ZNF804B: variants seen among roughly 807,000 people sequenced by gnomAD.
ZNF804B encodes zinc finger protein 804B, also known as zinc finger 804B.
ZNF804B carries 80 observed loss-of-function variants against 101.4 expected under a neutral mutation model. That is an observed-to-expected ratio of 0.79 (90% CI 0.66 to 0.95). The LOEUF (loss-of-function observed/expected upper bound fraction) is 0.95. ZNF804B is among the 40% of genes least tolerant of loss of function. ZNF804B has a pLI of 0.00. For missense variants in ZNF804B, 1,673 were observed against 1,561.9 expected, an observed-to-expected ratio of 1.07 and a Z score of -1.20; for synonymous variants, 622 against 558.8, an observed-to-expected ratio of 1.11 and a Z score of -1.59.
At chr7:89,168,730 T>C (rs948988138) in intron 1 of ZNF804B, among the ~76,000 whole-genome samples, 1 of 140,486 alleles carries the variant, frequency 7.1e-6, no homozygotes, top group Non-Finnish European at 1.5e-5. Context: ...ATGCTCAAAG[T>C]GGAGTTGCAC....
At chr7:88,805,663 G>A (rs992391385) in intron 1 of ZNF804B, among the ~76,000 whole-genome samples, 1 of 152,204 alleles carries the variant, frequency 6.6e-6, no homozygotes, top group Non-Finnish European at 1.5e-5. Context: ...GTAGAGCACA[G>A]TGTTGATGGT....
intron 1 of ZNF804B, among the ~76,000 whole-genome samples, chr7:89,131,022 T>C (rs1790538665): frequency 6.6e-6 from 1 of 152,002 alleles, no homozygotes; most frequent in Admixed American, 6.6e-5. Context: ...TTAAACTCAC[T>C]CATTTCTATT....
At chr7:88,787,146 G>C (rs1312856154) in intron 1 of ZNF804B, among the ~76,000 whole-genome samples, 1 of 152,128 alleles carries the variant, frequency 6.6e-6, no homozygotes, top group Non-Finnish European at 1.5e-5. Flanking sequence ...AGAGAACAAA[G>C]TGTGAGAAAA....
intron 2 of ZNF804B, among the ~76,000 whole-genome samples, chr7:89,314,800 C>A (rs1790696845): frequency 6.6e-6 from 1 of 152,150 alleles, no homozygotes; most frequent in African/African-American, 2.4e-5. Flanking sequence ...CTTACACTGT[C>A]TTGTCTCCTG....
At chr7:89,041,041 G>A (rs1789008977) in intron 1 of ZNF804B, among the ~76,000 whole-genome samples, 1 of 150,646 alleles carries the variant, frequency 6.6e-6, no homozygotes, top group African/African-American at 2.4e-5. Flanking sequence ...AAGATCTCCT[G>A]GGGTAGGCCT....
At chr7:89,045,176 T>A (rs1584092576) in intron 1 of ZNF804B, among the ~76,000 whole-genome samples, 1 of 152,034 alleles carries the variant, frequency 6.6e-6, no homozygotes, top group African/African-American at 2.4e-5. Flanking sequence ...TTCCAGGAGG[T>A]GTTGGGCATC....
At chr7:89,280,140 A>T (rs1445300604) in intron 2 of ZNF804B, among the ~76,000 whole-genome samples, 8 of 152,198 alleles carry the variant, frequency 5.3e-5, no homozygotes, top group Admixed American at 5.2e-4. Flanking sequence ...AAACTGAACA[A>T]CCTGCTCCTG....
chr7:88,828,354 C>T (rs1293120554), intron 1 of ZNF804B, among the ~76,000 whole-genome samples: 1 of 152,034 alleles, frequency 6.6e-6, no homozygotes, highest in African/African-American at 2.4e-5. Flanking sequence ...CTACCCCAGG[C>T]CTTTCTGGTT....
chr7:89,189,429 C>T (rs1466302209), intron 1 of ZNF804B, among the ~76,000 whole-genome samples: 2 of 152,100 alleles, frequency 1.3e-5, no homozygotes, highest in Non-Finnish European at 2.9e-5. Context: ...GGCAGCTGCT[C>T]GGAAGCCTCG....
chr7:89,141,833 G>A lies in ZNF804B; in HGVS notation c.109-76322G>A, dbSNP rs533228034. Among the ~76,000 whole-genome samples, 3 of 151,420 alleles carry A rather than the reference G, an allele frequency of 2.0e-5. No individual in the cohort carries two copies. The East Asian group carries it at 5.8e-4, about 30-fold the overall frequency. On this transcript the variant is annotated intron_variant, in intron 1 of 3. Coordinates refer to ENST00000333190, the MANE Select transcript of ZNF804B (RefSeq NM_181646.5). ...GAATTTTGACCACAGCAATATCTAGGAGGGGACTTCCAAAAGCTCCTGAAA... is the reference window on the plus strand; with the variant it reads ...GAATTTTGACCACAGCAATATCTAGAAGGGGACTTCCAAAAGCTCCTGAAA...
chr7:88,966,379 G>A (rs903877097), intron 1 of ZNF804B, among the ~76,000 whole-genome samples: 1 of 151,466 alleles, frequency 6.6e-6, no homozygotes, highest in African/African-American at 2.4e-5. Flanking sequence ...AATCATAACT[G>A]TACATCTGAA....
chr7:89,331,992 A>G (rs559681718), intron 3 of ZNF804B, among the ~76,000 whole-genome samples: 3 of 151,480 alleles, frequency 2.0e-5, no homozygotes, highest in East Asian at 1.9e-4. Flanking sequence ...AATGTTATAC[A>G]TACATATATG....
At chr7:88,932,172 A>G (rs1202011684) in intron 1 of ZNF804B, among the ~76,000 whole-genome samples, 2 of 151,856 alleles carry the variant, frequency 1.3e-5, no homozygotes, top group African/African-American at 4.8e-5. Context: ...ATGAGCTAAG[A>G]GTATTAAGCT....
intron 1 of ZNF804B, among the ~76,000 whole-genome samples, chr7:88,818,326 A>G (rs545852486): frequency 2.7e-4 from 41 of 152,286 alleles, no homozygotes; most frequent in African/African-American, 8.9e-4. Flanking sequence ...ATTGCTGATA[A>G]ATTAGGGATT....
intron 1 of ZNF804B, among the ~76,000 whole-genome samples, chr7:89,162,160 A>G (rs894088564): frequency 3.3e-5 from 5 of 152,130 alleles, no homozygotes; most frequent in African/African-American, 1.2e-4. Context: ...ATGGGAATAT[A>G]ATTTGCTACA....
At chr7:88,850,914 G>A (rs1423746520) in intron 1 of ZNF804B, among the ~76,000 whole-genome samples, 2 of 151,966 alleles carry the variant, frequency 1.3e-5, no homozygotes, top group East Asian at 1.9e-4. Flanking sequence ...AAAGCCAGAG[G>A]AAAGGTTGAA....
At position 89,334,756 on chromosome 7, in the gene ZNF804B, G is replaced by A. The variant is rs1322542499; in HGVS notation, c.1774G>A (p.Ala592Thr). 1.2e-6 allele frequency: 2 copies of A among 1,613,670 alleles called. No homozygotes were observed. The highest frequency in any genetic ancestry group is 3.3e-5 in the Admixed American group (2 of 59,902). Reference sequence around the variant, plus strand: ...CCTCAACACATCTCTAAAGGATTGTGCTGGAAAGAATAATAGTAGTGAGAA... The same window carrying A: ...CCTCAACACATCTCTAAAGGATTGTACTGGAAAGAATAATAGTAGTGAGAA... The part of the protein sequence containing the change: ...LYLNTSLKDC[A>T]GKNNSSENKL... The change falls in exon 4 of 4, where the codon GCT becomes ACT. Residue 592 changes from alanine (A) to threonine (T), a missense_variant. Physicochemically the swap from Ala to Thr is moderately conservative, Grantham distance 58. Transcript: ENST00000333190.
chr7:89,218,483 C>G (rs1198475335), intron 2 of ZNF804B, among the ~76,000 whole-genome samples, 188 bp downstream of exon 2: 1 of 152,066 alleles, frequency 6.6e-6, no homozygotes, highest in Non-Finnish European at 1.5e-5. Flanking sequence ...CCTAGAACTA[C>G]TATAAAGCTG....
At chr7:89,327,497 A>G (rs1012800302) in intron 3 of ZNF804B, 23 bp downstream of exon 3, 2 of 1,599,402 alleles carry the variant, frequency 1.3e-6, no homozygotes, top group Non-Finnish European at 1.7e-6. Flanking sequence ...GGTGTCTGGG[A>G]TGCTTCAAAA....
Sources: allele counts gnomAD v4.1 joint callset (sites outside exome capture counted in the v4.1 genomes callset), GRCh38; gene constraint gnomAD v4.1.1; transcripts MANE v1.5; gene names NCBI Gene and HGNC (gene_info 2026-07-23, HGNC 2026-07-21).